The following CPLANE1 variants were observed in gnomAD, a reference collection of about 807,000 sequenced individuals.
CPLANE1 encodes the protein ciliogenesis and planar polarity effector 1.
A neutral mutation model predicts 362.5 loss-of-function variants in CPLANE1; 263 were observed. That is an observed-to-expected ratio of 0.73 (90% CI 0.66 to 0.80). The LOEUF (loss-of-function observed/expected upper bound fraction) is 0.80. Among genes scored for constraint, CPLANE1 ranks in the 30% least tolerant of loss-of-function variants. The pLI, the probability that CPLANE1 is intolerant of heterozygous loss-of-function variation, is 0.00. For synonymous variants in CPLANE1, 1,212 were observed against 1,302.6 expected, an observed-to-expected ratio of 0.93 and a Z score of 1.50; for missense variants, 3,461 against 3,793.4, an observed-to-expected ratio of 0.91 and a Z score of 2.30.
chr5:37,198,057 A>G (rs1413993943), intron 20 of CPLANE1, among the ~76,000 whole-genome samples: 1 of 152,234 alleles, frequency 6.6e-6, no homozygotes, highest in Non-Finnish European at 1.5e-5. Flanking sequence ...AGGCTGAATT[A>G]AAAATATTTG....
chr5:37,091,837 G>A, the CPLANE1 span, among the ~76,000 whole-genome samples: 7 of 152,048 alleles, frequency 4.6e-5, no homozygotes, highest in Non-Finnish European at 5.9e-5. Flanking sequence ...ACCTGGTACC[G>A]GAGATGAAGG....
intron 6 of CPLANE1, among the ~76,000 whole-genome samples, chr5:37,241,169 G>A (rs192323865): frequency 6.6e-6 from 1 of 151,940 alleles, no homozygotes; most frequent in Non-Finnish European, 1.5e-5. Context: ...AAAATGTAGA[G>A]AAGGCCAGGC....
chr5:37,206,347 C>A lies in CPLANE1; in HGVS notation c.2999G>T (p.Trp1000Leu), dbSNP rs773362418. 6.4e-6 allele frequency: 10 copies of A among 1,551,532 alleles called. No homozygotes were observed. The highest frequency in any genetic ancestry group is 1.4e-5 in the African/African-American group (1 of 73,034). ...TAATTCAAGTGCATATTCAACTGTCCACACATTAGAGAGATTCTGATCTCT... is the reference window on the plus strand; with the variant it reads ...TAATTCAAGTGCATATTCAACTGTCAACACATTAGAGAGATTCTGATCTCT... Reference protein sequence around the residue: ...VVRDQNLSNVWTVEYALELLF... With the variant: ...VVRDQNLSNVLTVEYALELLF... The change falls in exon 17 of 53, where the codon TGG becomes TTG. Residue 1000 changes from tryptophan to leucine, a missense_variant. Physicochemically the swap from Trp to Leu is moderately conservative, Grantham distance 61. Transcript: ENST00000651892.
chr5:37,084,819 G>A, the CPLANE1 span, among the ~76,000 whole-genome samples: 1 of 150,894 alleles, frequency 6.6e-6, no homozygotes, highest in Non-Finnish European at 1.5e-5. Flanking sequence ...CAAAATGGCA[G>A]AATGGGTAAG....
downstream of CPLANE1, among the ~76,000 whole-genome samples, chr5:37,102,193 G>GT (rs1389799635): frequency 1.3e-5 from 2 of 151,462 alleles, no homozygotes; most frequent in Non-Finnish European, 2.9e-5. Context: ...TTTGTTTTTT[G>GT]TTTTTTTGTT....
intron 9 of CPLANE1, among the ~76,000 whole-genome samples, chr5:37,228,674 G>T (rs1198473113): frequency 6.6e-6 from 1 of 151,760 alleles, no homozygotes; most frequent in Non-Finnish European, 1.5e-5. Context: ...AAAATGTGGG[G>T]GACAACATAC....
At chr5:37,228,733 AG>A (rs1797008498) in intron 9 of CPLANE1, among the ~76,000 whole-genome samples, 1 of 152,204 alleles carries the variant, frequency 6.6e-6, no homozygotes, top group Non-Finnish European at 1.5e-5. Flanking sequence ...ACAAGTATTT[AG>A]TTTTCCACAT....
intron 34 of CPLANE1, among the ~76,000 whole-genome samples, chr5:37,167,736 C>T (rs1265938271): frequency 6.6e-6 from 1 of 152,172 alleles, no homozygotes; most frequent in African/African-American, 2.4e-5. Flanking sequence ...TGAGATGGCG[C>T]CATTACACTC....
chr5:37,106,685 G>C lies in CPLANE1; in HGVS notation c.*917C>G, dbSNP rs547821580. 54 of 339,400 alleles carry C rather than the reference G, an allele frequency of 1.6e-4. No individual in the cohort carries two copies. The highest frequency in any genetic ancestry group is 2.2e-4 in the Non-Finnish European group (53 of 239,740). The allele number at this position is 339,400 out of a possible 1,614,324, so 21.0% of individuals were successfully genotyped here. A position where few individuals can be genotyped will look rare whatever the true frequency, so the allele number is the denominator to read the frequency against. The stretch of plus-strand genomic sequence containing the variant: ...AGAAGGCAGCTGAATTACCATACCT[G>C]CTTCTGCATTCAACTTGCTGCAATA... On this transcript the variant is annotated 3_prime_UTR_variant, in exon 53 of 53. Coordinates refer to ENST00000651892, the MANE Select transcript of CPLANE1 (RefSeq NM_001384732.1).
intron 9 of CPLANE1, 91 bp downstream of exon 9, chr5:37,230,776 G>C: frequency 1.2e-6 from 1 of 838,618 alleles, no homozygotes; most frequent in South Asian, 3.9e-5. Flanking sequence ...AAGACAATTT[G>C]AAAGATGAAA....
chr5:37,171,052 G>C (rs1376517517), intron 32 of CPLANE1, among the ~76,000 whole-genome samples: 1 of 152,212 alleles, frequency 6.6e-6, no homozygotes, highest in African/African-American at 2.4e-5. Flanking sequence ...CTGACTAGGT[G>C]AAAGTAGTCA....
At chr5:37,180,725 C>T in intron 27 of CPLANE1, 132 bp downstream of exon 27, 1 of 738,112 alleles carries the variant, frequency 1.4e-6, no homozygotes, top group Non-Finnish European at 2.2e-6. Context: ...CCTCAGAAAG[C>T]TCACTGCCTG....
chr5:37,162,650 G>C (rs890537631), intron 37 of CPLANE1, 84 bp from the exon 38 acceptor site: 20 of 896,732 alleles, frequency 2.2e-5, no homozygotes, highest in Middle Eastern at 5.3e-4. Context: ...CTAACTCAAT[G>C]GAAGTAAAAT....
chr5:37,187,114 T>A (rs1357826992), intron 23 of CPLANE1, among the ~76,000 whole-genome samples: 1 of 142,022 alleles, frequency 7.0e-6, no homozygotes, highest in Admixed American at 7.0e-5. Flanking sequence ...GTACATTGGA[T>A]CCCTAGAACT....
chr5:37,138,783 A>G lies in CPLANE1; in HGVS notation c.8729T>C (p.Ile2910Thr). Residue 2910 changes from isoleucine (I) to threonine (T), a missense_variant, in exon 46 of 53, where the codon ATA (isoleucine) becomes ACA (threonine). By Grantham distance (89) the Ile-to-Thr change is moderately conservative (BLOSUM62 -1). Coordinates refer to ENST00000651892, the MANE Select transcript of CPLANE1 (RefSeq NM_001384732.1). ...TTCACTGGAAACTCCGTCTTTAATT[A>G]TAAGGTCATCAATAATGTCTGCAAT... is the stretch of plus-strand genomic sequence containing the variant. ...TDIADIIDDLIIKDGVSSEEL... is the reference protein window; with the variant it reads ...TDIADIIDDLTIKDGVSSEEL... The G allele has an allele frequency of 6.2e-7, 1 of 1,613,392 alleles. No individual in the cohort carries two copies. Among genetic ancestry groups the G allele is most frequent in the Non-Finnish European group, 8.5e-7 (1 of 1,179,634 alleles).
chr5:37,201,511 G>T, intron 19 of CPLANE1, 80 bp downstream of exon 19: 2 of 1,173,702 alleles, frequency 1.7e-6, no homozygotes, highest in Non-Finnish European at 1.2e-6. Context: ...TTAACCTGAT[G>T]ATTATTATCA....
the CPLANE1 span, chr5:37,085,827 T>G: frequency 1.5e-6 from 2 of 1,372,428 alleles, no homozygotes; most frequent in South Asian, 2.3e-5. Flanking sequence ...GACAAAAGAC[T>G]GGGGGCCAAA....
chr5:37,221,641 T>G (rs2150363465), intron 14 of CPLANE1, among the ~76,000 whole-genome samples, 153 bp from the exon 15 acceptor site: 1 of 152,266 alleles, frequency 6.6e-6, no homozygotes, highest in African/African-American at 2.4e-5. Flanking sequence ...CACACTTCAA[T>G]AAATGATTTT....
intron 44 of CPLANE1, 166 bp from the exon 45 acceptor site, chr5:37,139,536 G>A: frequency 8.8e-7 from 1 of 1,140,848 alleles, no homozygotes. Context: ...TCCTGAATAT[G>A]CTATCTGATA....
Sources: allele counts gnomAD v4.1 joint callset (sites outside exome capture counted in the v4.1 genomes callset), GRCh38; gene constraint gnomAD v4.1.1; transcripts MANE v1.5; gene names NCBI Gene and HGNC (gene_info 2026-07-23, HGNC 2026-07-21).